The following TSNAX variants were observed in gnomAD, a reference collection of about 807,000 sequenced individuals.
TSNAX encodes translin-associated protein X.
A neutral mutation model predicts 33.0 loss-of-function variants in TSNAX; 12 were observed. The observed-to-expected ratio is 0.36, with a 90% confidence interval of 0.23 to 0.59. The LOEUF (loss-of-function observed/expected upper bound fraction) is 0.59, where lower values mean the gene tolerates loss of function less well. Among genes scored for constraint, TSNAX ranks in the 20% least tolerant of loss-of-function variants. The probability of loss-of-function intolerance (pLI) is 0.74; values close to 1 mark genes in which losing one functional copy is unlikely to be tolerated. For synonymous variants in TSNAX, 110 were observed against 117.2 expected, an observed-to-expected ratio of 0.94 and a Z score of 0.40; for missense variants, 267 against 341.3, an observed-to-expected ratio of 0.78 and a Z score of 1.72.
intron 4 of TSNAX, among the ~76,000 whole-genome samples, chr1:231,560,240 A>G (rs934190266): frequency 1.3e-5 from 2 of 151,944 alleles, no homozygotes; most frequent in Admixed American, 6.6e-5. Context: ...GGGCCTCCCA[A>G]AGTGCTGGGA....
intron 5 of TSNAX, chr1:231,563,666 T>C (rs1405885799): frequency 6.6e-6 from 1 of 152,272 alleles, no homozygotes; most frequent in East Asian, 1.9e-4. Context: ...TTTTTTTTTT[T>C]TTTTTTGGTA....
rs1380485002 is a variant in TSNAX, at chr1:231,529,304, A to T, written c.66A>T (p.Gln22His). ...AGCATGACAATTTCCCACATAACCA[A>T]AGAAGAGAAGGGAAGGATGTTAATT... is the stretch of plus-strand genomic sequence containing the variant. ...KRKHDNFPHN[Q>H]RREGKDVNSS... Residue 22 changes from glutamine (Q) to histidine (H), a missense_variant, in exon 2 of 6, where the codon CAA becomes CAT. By Grantham distance (24) the Gln-to-His change is conservative. Coordinates refer to ENST00000366639, the MANE Select transcript of TSNAX (RefSeq NM_005999.3). 6.2e-7 allele frequency: 1 copy of T among 1,614,206 alleles called. No individual in the cohort carries two copies. Among genetic ancestry groups the T allele is most frequent in the East Asian group, 2.2e-5 (1 of 44,890 alleles).
intron 5 of TSNAX, among the ~76,000 whole-genome samples, chr1:231,561,744 C>T (rs1380218923): frequency 6.6e-6 from 1 of 152,186 alleles, no homozygotes; most frequent in African/African-American, 2.4e-5. Context: ...CAGCGCTTCT[C>T]ACAGTGTGCT....
At chr1:231,561,373 G>T in intron 5 of TSNAX, 118 bp downstream of exon 5, 1 of 834,916 alleles carries the variant, frequency 1.2e-6, no homozygotes, top group South Asian at 1.9e-5. Context: ...CTAAAGTATG[G>T]TTTTGTAGAG....
intron 4 of TSNAX, among the ~76,000 whole-genome samples, chr1:231,560,297 A>G (rs957430560): frequency 1.3e-5 from 2 of 149,532 alleles, no homozygotes; most frequent in Non-Finnish European, 3.0e-5. Context: ...TCTTAATTTT[A>G]TGTCTCATTT....
rs1425326818 is a variant in TSNAX at position 231,542,533 on chromosome 1, G to A, written c.289G>A (p.Val97Ile). 1 of 1,614,042 alleles carries A rather than the reference G, an allele frequency of 6.2e-7. No individual in the cohort carries two copies. The highest frequency in any genetic ancestry group is 1.3e-5 in the African/African-American group (1 of 75,034). ...LTESEIKLDG[V>I]RQKIFQVAQE... is the part of the protein sequence containing the mutation. ...TGAATCAGAAATTAAATTGGATGGT[G>A]TCAGACAAAAGATATTCCAGGTAGC... The change falls in exon 4 of 6, where the codon GTC becomes ATC. Residue 97 changes from valine (V) to isoleucine (I), a missense_variant. Val to Ile is a conservative substitution (Grantham distance 29, BLOSUM62 3). Around this residue, in one of 2 missense-constraint regions of TSNAX, gnomAD observed 200 missense variants for 214.1 expected, o/e 0.93. Coordinates refer to ENST00000366639, the MANE Select transcript of TSNAX (RefSeq NM_005999.3).
chr1:231,555,620 AT>A (rs1660637692), intron 4 of TSNAX, among the ~76,000 whole-genome samples: 1 of 152,342 alleles, frequency 6.6e-6, no homozygotes, highest in South Asian at 2.1e-4. Context: ...GAAACTGCTA[AT>A]TTTTAAAAAA....
intron 2 of TSNAX, chr1:231,533,983 T>C (rs979868055): frequency 2.6e-5 from 4 of 152,238 alleles, no homozygotes; most frequent in African/African-American, 9.6e-5. Context: ...CCAGCTTTTT[T>C]TCTCTCTAGT....
chr1:231,534,322 A>C (rs1040304293), intron 2 of TSNAX: 12 of 152,072 alleles, frequency 7.9e-5, no homozygotes, highest in Middle Eastern at 3.2e-3. Context: ...GAGAGTCTTA[A>C]AAACTAAAGT....
intron 4 of TSNAX, among the ~76,000 whole-genome samples, chr1:231,546,965 A>G (rs569093084): frequency 6.6e-5 from 10 of 152,306 alleles, no homozygotes; most frequent in Middle Eastern, 6.8e-3. Flanking sequence ...GGCTAGTCAC[A>G]TGGCCACACC....
chr1:231,561,311 G>A (rs1035956022), intron 5 of TSNAX, 56 bp downstream of exon 5: 9 of 1,296,122 alleles, frequency 6.9e-6, no homozygotes, highest in Middle Eastern at 2.7e-4. Flanking sequence ...ACAGTATGAC[G>A]ATTCTAGTAG....
intron 2 of TSNAX, among the ~76,000 whole-genome samples, chr1:231,533,354 G>A (rs191422396): frequency 6.6e-6 from 1 of 152,264 alleles, no homozygotes; most frequent in Non-Finnish European, 1.5e-5. Flanking sequence ...ACCCACCTCA[G>A]CCTCCCAAAG....
chr1:231,532,839 T>C (rs1366054615), intron 2 of TSNAX, among the ~76,000 whole-genome samples: 3 of 152,210 alleles, frequency 2.0e-5, no homozygotes, highest in Non-Finnish European at 2.9e-5. Flanking sequence ...AATAAGATGA[T>C]TTTATTCTCT....
At chr1:231,560,420 T>TCCC (rs1661021036) in intron 4 of TSNAX, among the ~76,000 whole-genome samples, 9 of 38,188 alleles carry the variant, frequency 2.4e-4, no homozygotes, top group African/African-American at 6.4e-4. Flanking sequence ...CCCCCCCCCT[T>TCCC]TTTTTTTTTT....
intron 5 of TSNAX, among the ~76,000 whole-genome samples, chr1:231,563,961 C>T (rs1336508792): frequency 6.6e-6 from 1 of 152,022 alleles, no homozygotes; most frequent in Non-Finnish European, 1.5e-5. Context: ...GAATAAAGGA[C>T]TAATGAGTAT....
At chr1:231,555,071 A>G (rs1660600026) in intron 4 of TSNAX, among the ~76,000 whole-genome samples, 1 of 152,174 alleles carries the variant, frequency 6.6e-6, no homozygotes, top group Non-Finnish European at 1.5e-5. Context: ...GATACCCCTA[A>G]ATAATTGAAA....
chr1:231,564,544 A>G lies in TSNAX; in HGVS notation c.512A>G (p.Gln171Arg), dbSNP rs1661312265. The change falls in exon 6 of 6, where the codon CAG becomes CGG. Residue 171 changes from glutamine to arginine, a missense_variant. Physicochemically the swap from Gln to Arg is conservative, Grantham distance 43. Coordinates refer to ENST00000366639, the MANE Select transcript of TSNAX (RefSeq NM_005999.3). ...TTTTACCAGCCCTCCTCTGATGCAC[A>G]GGATAAGCAGTTTGGTACTTGGAGA... Reference protein sequence around the residue: ...KENKTPSSDAQDKQFGTWRLR... With the variant: ...KENKTPSSDARDKQFGTWRLR... 1 of 1,612,196 alleles carries G rather than the reference A, an allele frequency of 6.2e-7. No homozygotes were observed. The highest frequency in any genetic ancestry group is 8.5e-7 in the Non-Finnish European group (1 of 1,178,538).
rs369133346 is a variant in TSNAX at position 231,542,518 on chromosome 1, A to G, written c.274A>G (p.Ile92Val). Residue 92 changes from isoleucine to valine, a missense_variant, in exon 4 of 6, where the codon ATT (isoleucine) becomes GTT (valine). By Grantham distance (29) the Ile-to-Val change is conservative. Coordinates refer to ENST00000366639, the MANE Select transcript of TSNAX (RefSeq NM_005999.3). Reference sequence around the variant, plus strand: ...GGAAGATATATTGACTGAATCAGAAATTAAATTGGATGGTGTCAGACAAAA... The same window carrying G: ...GGAAGATATATTGACTGAATCAGAAGTTAAATTGGATGGTGTCAGACAAAA... ...DMEDILTESEIKLDGVRQKIF... is the reference protein window; with the variant it reads ...DMEDILTESEVKLDGVRQKIF... The G allele has an allele frequency of 1.2e-6, 2 of 1,613,956 alleles. No individual in the cohort carries two copies. Among genetic ancestry groups the G allele is most frequent in the African/African-American group, 2.7e-5 (2 of 74,924 alleles).
rs1558118097 is a variant in TSNAX at position 231,532,159 on chromosome 1, C to CACACACACACACACACACACACAT, written c.121+2823_121+2824insTACACACACACACACACACACACA. On this transcript the variant is annotated intron_variant, in intron 2 of 5. Transcript: ENST00000366639. ...ACACACACACACACACACACACACA[C>CACACACACACACACACACACACAT]ACACACACACACACACACACACACA... Among the ~76,000 whole-genome samples, 88 of 89,334 alleles carry CACACACACACACACACACACACAT rather than the reference C, an allele frequency of 9.9e-4. 3 individuals are homozygous for CACACACACACACACACACACACAT. Among genetic ancestry groups the CACACACACACACACACACACACAT allele is most frequent in the African/African-American group, 3.3e-3 (86 of 26,002 alleles). 58.6% of individuals were successfully genotyped at this position (89,334 alleles called of 152,430 possible). A position where few individuals can be genotyped will look rare whatever the true frequency, so the allele number is the denominator to read the frequency against.
Sources: allele counts gnomAD v4.1 joint callset (sites outside exome capture counted in the v4.1 genomes callset), GRCh38; gene constraint gnomAD v4.1.1; regional missense constraint gnomAD v4.1.1; transcripts MANE v1.5; gene names NCBI Gene and HGNC (gene_info 2026-07-23, HGNC 2026-07-21).